Variants in CYB5R4 observed in about 807,000 individuals in gnomAD.
CYB5R4 encodes the protein cytochrome b5 reductase 4.
Under a neutral mutation model 70.2 loss-of-function variants are expected in CYB5R4, and 55 were observed. That is an observed-to-expected ratio of 0.78 (90% CI 0.63 to 0.98). The LOEUF (loss-of-function observed/expected upper bound fraction) is 0.98, where lower values mean the gene tolerates loss of function less well. Among genes scored for constraint, CYB5R4 ranks in the 50% least tolerant of loss-of-function variants. The pLI, the probability that CYB5R4 is intolerant of heterozygous loss-of-function variation, is 0.00. For missense variants in CYB5R4, 562 were observed against 612.6 expected, an observed-to-expected ratio of 0.92 and a Z score of 0.87; for synonymous variants, 197 against 199.5, an observed-to-expected ratio of 0.99 and a Z score of 0.11.
chr6:83,936,451 T>C (rs1461191867), intron 12 of CYB5R4, 75 bp downstream of exon 12: 1 of 1,294,858 alleles, frequency 7.7e-7, no homozygotes, highest in African/African-American at 1.5e-5. Context: ...TATCTCCATG[T>C]AGGAGTCTAT....
At chr6:83,894,554 T>C (rs2099461575) in intron 3 of CYB5R4, among the ~76,000 whole-genome samples, 1 of 152,160 alleles carries the variant, frequency 6.6e-6, no homozygotes, top group Non-Finnish European at 1.5e-5. Flanking sequence ...GGATTAGGGG[T>C]GCCAACACCC....
intron 4 of CYB5R4, 57 bp downstream of exon 4, chr6:83,909,147 T>C: frequency 6.9e-7 from 1 of 1,450,930 alleles, no homozygotes; most frequent in Non-Finnish European, 9.6e-7. Flanking sequence ...TATTTTTTTT[T>C]AACTTGGATT....
At chr6:83,888,211 A>C (rs2099460543) in intron 2 of CYB5R4, among the ~76,000 whole-genome samples, 1 of 152,202 alleles carries the variant, frequency 6.6e-6, no homozygotes, top group African/African-American at 2.4e-5. Context: ...GTTTCTAAAA[A>C]CCAGGTGGAA....
At chr6:83,865,996 A>G (rs1311451625) in intron 2 of CYB5R4, among the ~76,000 whole-genome samples, 2 of 152,026 alleles carry the variant, frequency 1.3e-5, no homozygotes, top group African/African-American at 4.8e-5. Context: ...CATGCTCCCT[A>G]TCTGTTTACC....
intron 3 of CYB5R4, among the ~76,000 whole-genome samples, chr6:83,902,522 T>A (rs564452501): frequency 6.6e-6 from 1 of 152,302 alleles, no homozygotes. Context: ...TGGTTCCATA[T>A]GAATTTTAGG....
chr6:83,949,060 C>T (rs1175795121), intron 14 of CYB5R4, among the ~76,000 whole-genome samples: 4 of 151,284 alleles, frequency 2.6e-5, no homozygotes, highest in African/African-American at 7.3e-5. Flanking sequence ...GCTTGAGGCA[C>T]TGACTCCTAG....
At chr6:83,911,021 T>G (rs2099464600) in intron 4 of CYB5R4, among the ~76,000 whole-genome samples, 2 of 152,158 alleles carry the variant, frequency 1.3e-5, no homozygotes, top group South Asian at 4.1e-4. Context: ...CAAAGATGAA[T>G]AGAAGAAAGT....
chr6:83,864,399 A>ACAGT, intron 2 of CYB5R4, 71 bp downstream of exon 2: 5 of 1,337,652 alleles, frequency 3.7e-6, no homozygotes, highest in Non-Finnish European at 5.1e-6. Context: ...ACATAACCTC[A>ACAGT]CAGTCATGTT....
At chr6:83,875,872 A>G (rs61761496) in intron 2 of CYB5R4, among the ~76,000 whole-genome samples, 2,285 of 152,268 alleles carry the variant, frequency 0.015, 46 homozygotes, top group African/African-American at 0.052. Flanking sequence ...TGTTTAGTGG[A>G]TACTATTAAT....
At chr6:83,896,240 A>T (rs1249258852) in intron 3 of CYB5R4, among the ~76,000 whole-genome samples, 3 of 151,974 alleles carry the variant, frequency 2.0e-5, no homozygotes, top group African/African-American at 7.2e-5. Context: ...TGATATCTTT[A>T]CCTTCATTAC....
intron 14 of CYB5R4, among the ~76,000 whole-genome samples, chr6:83,951,505 A>C (rs909408889): frequency 6.6e-6 from 1 of 151,608 alleles, no homozygotes; most frequent in Non-Finnish European, 1.5e-5. Flanking sequence ...TTATTGTTCA[A>C]CTCCCACTTA....
chr6:83,905,766 G>A (rs1333205386), intron 3 of CYB5R4, among the ~76,000 whole-genome samples: 1 of 152,102 alleles, frequency 6.6e-6, no homozygotes, highest in Non-Finnish European at 1.5e-5. Context: ...TGGGCAGGTG[G>A]TGTGGCATGG....
At chr6:83,926,313 C>A (rs1263102102) in intron 10 of CYB5R4, 3 of 151,998 alleles carry the variant, frequency 2.0e-5, no homozygotes, top group African/African-American at 7.2e-5. Context: ...GAAGGCTGGG[C>A]CTAGCTTCTG....
At chr6:83,884,480 CTG>C (rs1342656771) in intron 2 of CYB5R4, among the ~76,000 whole-genome samples, 2 of 152,042 alleles carry the variant, frequency 1.3e-5, no homozygotes, top group Non-Finnish European at 2.9e-5. Context: ...ATTAGGAAAA[CTG>C]TTTATGCCTG....
chr6:83,866,950 A>G (rs983136248), intron 2 of CYB5R4, among the ~76,000 whole-genome samples: 7 of 152,150 alleles, frequency 4.6e-5, no homozygotes, highest in African/African-American at 1.4e-4. Context: ...GCTGGGGAAC[A>G]TGTTCTACTC....
At position 83,962,699 on chromosome 6, in the gene CYB5R4, G is replaced by A. The variant is rs886320059; in HGVS notation, c.*2821G>A. ...TGGGCTCTTAGCTAGAGGCTGTAAGGGGAAGTCCCTAGATAAGAGTTCTTT... is the reference window on the plus strand; with the variant it reads ...TGGGCTCTTAGCTAGAGGCTGTAAGAGGAAGTCCCTAGATAAGAGTTCTTT... On this transcript the variant is annotated 3_prime_UTR_variant, in exon 16 of 16. Coordinates refer to ENST00000369681, the MANE Select transcript of CYB5R4 (RefSeq NM_016230.4). 1 of 152,178 alleles carries A rather than the reference G, an allele frequency of 6.6e-6. No individual in the cohort carries two copies. Among genetic ancestry groups the A allele is most frequent in the African/African-American group, 2.4e-5 (1 of 41,442 alleles). 9.4% of individuals were successfully genotyped at this position (152,178 alleles called of 1,614,324 possible). A position where few individuals can be genotyped will look rare whatever the true frequency, so the allele number is the denominator to read the frequency against.
intron 2 of CYB5R4, among the ~76,000 whole-genome samples, chr6:83,891,979 C>T (rs2099461186): frequency 6.6e-6 from 1 of 152,102 alleles, no homozygotes; most frequent in Non-Finnish European, 1.5e-5. Context: ...GTTTGGAACT[C>T]TTGTTTGGGA....
Position 83,959,897 on chromosome 6 carries a change from C to G in CYB5R4, c.*19C>G. ...AGCATAATGAAGAGCTGTCATTGTC[C>G]TTTATTCAACTAGTTTATCTAAATT... is the stretch of plus-strand genomic sequence containing the variant. On this transcript the variant is annotated 3_prime_UTR_variant, in exon 16 of 16. Transcript: ENST00000369681. The G allele has an allele frequency of 6.4e-7, 1 of 1,565,052 alleles. No homozygotes were observed. Among genetic ancestry groups the G allele is most frequent in the Non-Finnish European group, 8.7e-7 (1 of 1,155,634 alleles).
chr6:83,933,373 G>C (rs1343524255), intron 10 of CYB5R4, among the ~76,000 whole-genome samples: 2 of 152,160 alleles, frequency 1.3e-5, no homozygotes, highest in Non-Finnish European at 2.9e-5. Flanking sequence ...AAGGGAGAAG[G>C]GAAGTTGGAT....
Sources: gnomAD v4.1 joint callset for allele counts (sites outside exome capture counted in the v4.1 genomes callset) on GRCh38, gnomAD v4.1.1 for gene constraint, MANE v1.5 for transcripts, NCBI Gene and HGNC (gene_info 2026-07-23, HGNC 2026-07-21) for gene names.